Variants in NEURL1B observed in about 807,000 individuals in gnomAD.
The protein encoded by NEURL1B is neuralized E3 ubiquitin protein ligase 1B, also known as E3 ubiquitin-protein ligase NEURL1B.
A neutral mutation model predicts 37.4 loss-of-function variants in NEURL1B; 13 were observed. The ratio of observed to expected loss-of-function variants is 0.35; its 90% CI spans 0.23 to 0.55. The LOEUF (loss-of-function observed/expected upper bound fraction) is 0.55. Among genes scored for constraint, NEURL1B ranks in the 20% least tolerant of loss-of-function variants. NEURL1B has a pLI of 0.89. For missense variants in NEURL1B, 790 were observed against 879.2 expected (o/e 0.90, Z 1.28); for synonymous variants, 432 against 426.6 (o/e 1.01, Z -0.16).
rs543710792 is a variant in NEURL1B, at chr5:172,670,339, C to T, written c.577+9C>T. On this transcript the variant is annotated intron_variant, in intron 2 of 4. Coordinates refer to ENST00000369800, the MANE Select transcript of NEURL1B (RefSeq NM_001142651.3). ...CGAGGTGCAGCTTCTGGGTAGGTCG[C>T]GGGCGCGGCGCCCCCTGGGGACCTG... 19 of 1,346,214 alleles carry T rather than the reference C, an allele frequency of 1.4e-5. No homozygotes were observed. In the South Asian group the frequency reaches 3.2e-4, roughly 23 times the overall value. The allele number at this position is 1,346,214 out of a possible 1,614,324, so 83.4% of individuals were successfully genotyped here. A position where few individuals can be genotyped will look rare whatever the true frequency, so the allele number is the denominator to read the frequency against.
At position 172,670,098 on chromosome 5, in the gene NEURL1B, C is replaced by T. The variant is rs1758093921; in HGVS notation, c.345C>T (p.Pro115=). ...DPSLMSAQDI[P]KYACPDLVTR... The stretch of plus-strand genomic sequence containing the variant: ...CGCTCATGAGCGCCCAGGACATCCC[C>T]AAGTACGCCTGCCCGGACCTGGTCA... Residue 115 remains proline (P), a synonymous_variant, in exon 2 of 5, where the codon CCC becomes CCT. Coordinates refer to ENST00000369800, the MANE Select transcript of NEURL1B (RefSeq NM_001142651.3). The T allele has an allele frequency of 1.3e-6, 2 of 1,525,642 alleles. No homozygotes were observed. Among genetic ancestry groups the T allele is most frequent in the Middle Eastern group, 1.7e-4 (1 of 5,948 alleles). The allele number at this position is 1,525,642 out of a possible 1,614,324, so 94.5% of individuals were successfully genotyped here.
intron 2 of NEURL1B, among the ~76,000 whole-genome samples, chr5:172,671,320 T>C (rs1477721718): frequency 6.6e-6 from 1 of 152,132 alleles, no homozygotes; most frequent in East Asian, 1.9e-4. Context: ...GAGAGCAGGT[T>C]TGTCAGGGAA....
intron 3 of NEURL1B, 47 bp downstream of exon 3, chr5:172,684,185 C>G (rs1758433963): frequency 1.7e-6 from 2 of 1,192,380 alleles, no homozygotes; most frequent in East Asian, 3.5e-5. Context: ...CTCCCCCGTC[C>G]CGTGCCGTCT....
intron 1 of NEURL1B, among the ~76,000 whole-genome samples, chr5:172,667,098 C>T (rs1177331851): frequency 6.6e-6 from 1 of 151,756 alleles, no homozygotes; most frequent in Non-Finnish European, 1.5e-5. Context: ...ATCTCCCTAC[C>T]CTGTCCTTAC....
intron 1 of NEURL1B, among the ~76,000 whole-genome samples, chr5:172,644,351 A>G (rs1429411839): frequency 6.6e-6 from 1 of 152,224 alleles, no homozygotes; most frequent in East Asian, 1.9e-4. Context: ...ATTGCAATTT[A>G]GGTTAACTTA....
Position 172,686,662 on chromosome 5 carries a change from C to G in NEURL1B, c.1424-19C>G, listed in dbSNP as rs1267841254. The G allele has an allele frequency of 6.5e-7, 1 of 1,546,452 alleles. No homozygotes were observed. The highest frequency in any genetic ancestry group is 2.0e-5 in the Admixed American group (1 of 50,916). On this transcript the variant is annotated intron_variant, in intron 4 of 4. Transcript: ENST00000369800. The surrounding 1 kb of genome is among the most constrained non-coding windows in gnomAD (Gnocchi z 7.9). ...GAGAGAGACATTGTTAACATATGTC[C>G]TCTTCTCCCTTTCGGCAGTGACGGC...
rs1349066676 is a variant in NEURL1B at position 172,647,631 on chromosome 5, G to T, written c.31+6194G>T. Among the ~76,000 whole-genome samples, 1 of 152,112 alleles carries T rather than the reference G, an allele frequency of 6.6e-6. No homozygotes were observed. The highest frequency in any genetic ancestry group is 6.5e-5 in the Admixed American group (1 of 15,276). On this transcript the variant is annotated intron_variant, in intron 1 of 4. Transcript: ENST00000369800. The surrounding 1 kb of genome is among the most constrained non-coding windows in gnomAD (Gnocchi z 4.2). ...CCTGAGCCCCACCCTTATTGCAGGT[G>T]CACTCCCTTTGCCCTCTGAAGATGA...
intron 1 of NEURL1B, among the ~76,000 whole-genome samples, chr5:172,645,577 A>G (rs149125209): frequency 1.3e-5 from 2 of 152,188 alleles, no homozygotes; most frequent in Non-Finnish European, 2.9e-5. Context: ...TGGATGGCCC[A>G]TGGAGTGATA....
At chr5:172,668,749 G>A (rs1433660396) in intron 1 of NEURL1B, among the ~76,000 whole-genome samples, 3 of 152,130 alleles carry the variant, frequency 2.0e-5, no homozygotes, top group Non-Finnish European at 2.9e-5. Context: ...GTAATCTCCC[G>A]CCCTGCCACC....
At chr5:172,662,025 C>T (rs1482182248) in intron 1 of NEURL1B, 6 of 152,194 alleles carry the variant, frequency 3.9e-5, no homozygotes, top group South Asian at 2.1e-4. Context: ...TGTTTCAGAA[C>T]GTATTTTCCC....
At position 172,641,447 on chromosome 5, in the gene NEURL1B, G is replaced by A; in HGVS notation, c.31+10G>A. ...CACCGGACCCTGCCAGGTACGCCGG[G>A]GAGCCCTGCCCGGGAGGCGGGCGCC... On this transcript the variant is annotated intron_variant, in intron 1 of 4. Transcript: ENST00000369800. This position sits in a 1 kb window ranked among gnomAD's most constrained non-coding sequence, Gnocchi z 6.4. The A allele has an allele frequency of 1.5e-6, 2 of 1,320,780 alleles. No homozygotes were observed. Among genetic ancestry groups the A allele is most frequent in the Non-Finnish European group, 1.9e-6 (2 of 1,037,230 alleles). The allele number at this position is 1,320,780 out of a possible 1,614,324, so 81.8% of individuals were successfully genotyped here. A position where few individuals can be genotyped will look rare whatever the true frequency, so the allele number is the denominator to read the frequency against.
intron 2 of NEURL1B, among the ~76,000 whole-genome samples, chr5:172,682,728 CCTT>C (rs1373954039): frequency 6.6e-6 from 1 of 152,230 alleles, no homozygotes; most frequent in Non-Finnish European, 1.5e-5. Flanking sequence ...CCAGGTCCTC[CCTT>C]CTTTCAGAGG....
chr5:172,667,647 T>A (rs1229193875), intron 1 of NEURL1B, among the ~76,000 whole-genome samples: 1 of 151,960 alleles, frequency 6.6e-6, no homozygotes, highest in African/African-American at 2.4e-5. Flanking sequence ...CTACCCCCAA[T>A]AGGAGCCATC....
chr5:172,664,586 C>G (rs1757974029), intron 1 of NEURL1B, among the ~76,000 whole-genome samples: 1 of 152,184 alleles, frequency 6.6e-6, no homozygotes, highest in Admixed American at 6.5e-5. Flanking sequence ...TCAGGTTTGC[C>G]ACTGACATCT....
In NEURL1B at chr5:172,691,035, G is replaced by A. The variant is rs1466475687; in HGVS notation, c.*4110G>A. The A allele has an allele frequency of 1.3e-5, 2 of 152,178 alleles. No individual in the cohort carries two copies. The highest frequency in any genetic ancestry group is 2.4e-5 in the African/African-American group (1 of 41,432). 9.4% of individuals were successfully genotyped at this position (152,178 alleles called of 1,614,324 possible). A position where few individuals can be genotyped will look rare whatever the true frequency, so the allele number is the denominator to read the frequency against. On this transcript the variant is annotated 3_prime_UTR_variant, in exon 5 of 5. Coordinates refer to ENST00000369800, the MANE Select transcript of NEURL1B (RefSeq NM_001142651.3). ...AACATGCGGCCTCCTGGCATTTCTC[G>A]GTATTTAACTGTCTCGCTGTCTTAT... is the stretch of plus-strand genomic sequence containing the variant.
rs1367691944 is a variant in NEURL1B, at chr5:172,675,311, G to C, written c.577+4981G>C. Among the ~76,000 whole-genome samples, 1 of 152,132 alleles carries C rather than the reference G, an allele frequency of 6.6e-6. No individual in the cohort carries two copies. Among genetic ancestry groups the C allele is most frequent in the African/African-American group, 2.4e-5 (1 of 41,436 alleles). On this transcript the variant is annotated intron_variant, in intron 2 of 4. Transcript: ENST00000369800. The surrounding 1 kb of genome is among the most constrained non-coding windows in gnomAD (Gnocchi z 4.7). ...TATCTGTACTGTGGTATGCCTATCTGGTTCCTTTCTCCCTCGTGGCTCCTG... is the reference window on the plus strand; with the variant it reads ...TATCTGTACTGTGGTATGCCTATCTCGTTCCTTTCTCCCTCGTGGCTCCTG...
At position 172,683,552 on chromosome 5, in the gene NEURL1B, G is replaced by C. The variant is rs1270679721; in HGVS notation, c.711G>C (p.Lys237Asn). Residue 237 changes from lysine to asparagine, a missense_variant, in exon 3 of 5, where the codon AAG becomes AAC. Around this residue, in one of 3 missense-constraint regions of NEURL1B, gnomAD observed 460 missense variants for 407.4 expected, o/e 1.13. Coordinates refer to ENST00000369800, the MANE Select transcript of NEURL1B (RefSeq NM_001142651.3). This position sits in a 1 kb window ranked among gnomAD's most constrained non-coding sequence, Gnocchi z 5.6. ...NELENNQVVAKLGHLALGRAP... is the reference protein window; with the variant it reads ...NELENNQVVANLGHLALGRAP... ...TCGAGAACAACCAGGTGGTGGCCAA[G>C]CTGGGCCACCTGGCGCTGGGCCGCG... is the stretch of plus-strand genomic sequence containing the variant. The C allele has an allele frequency of 2.0e-6, 3 of 1,480,588 alleles. No individual in the cohort carries two copies. The highest frequency in any genetic ancestry group is 2.7e-6 in the Non-Finnish European group (3 of 1,118,664). 91.7% of individuals were successfully genotyped at this position (1,480,588 alleles called of 1,614,324 possible).
intron 2 of NEURL1B, among the ~76,000 whole-genome samples, chr5:172,681,532 C>G (rs1170885019): frequency 1.3e-5 from 2 of 152,220 alleles, no homozygotes; most frequent in Non-Finnish European, 2.9e-5. Flanking sequence ...GTAGCTGACC[C>G]CTTTTGCTGA....
chr5:172,650,856 T>C (rs1245670628), intron 1 of NEURL1B, among the ~76,000 whole-genome samples: 1 of 152,120 alleles, frequency 6.6e-6, no homozygotes, highest in East Asian at 1.9e-4. Flanking sequence ...ATTGGCTAAT[T>C]TAAAGAGAAT....
Sources: gnomAD v4.1 joint callset for allele counts (sites outside exome capture counted in the v4.1 genomes callset) on GRCh38, gnomAD v4.1.1 for gene constraint, gnomAD v4.1.1 regional missense constraint, Gnocchi (gnomAD v3.1) non-coding constraint, MANE v1.5 for transcripts, NCBI Gene and HGNC (gene_info 2026-07-23, HGNC 2026-07-21) for gene names.